RGS5: variants seen among roughly 807,000 people sequenced by gnomAD.
RGS5 encodes the protein regulator of G protein signaling 5.
In RGS5, 20 loss-of-function variants were observed where a neutral mutation model predicts 18.9. That is an observed-to-expected ratio of 1.06 (90% CI 0.74 to 1.54). The LOEUF (loss-of-function observed/expected upper bound fraction) is 1.54, where lower values mean the gene tolerates loss of function less well. Ranked by LOEUF, RGS5 falls within the 40% of genes most tolerant of loss-of-function variation. RGS5 has a pLI of 0.00. For synonymous variants in RGS5, 57 were observed against 76.2 expected (o/e 0.75, Z 1.31); for missense variants, 201 against 211.8 (o/e 0.95, Z 0.32).
At chr1:163,262,114 G>T (rs1388813664) in intron 2 of RGS5, among the ~76,000 whole-genome samples, 1 of 144,586 alleles carries the variant, frequency 6.9e-6, no homozygotes, top group East Asian at 2.1e-4. Context: ...GCCAGTCTAT[G>T]TTCTGGGAGA....
chr1:163,183,693 G>A (rs1317818769), intron 1 of RGS5, among the ~76,000 whole-genome samples: 2 of 152,166 alleles, frequency 1.3e-5, no homozygotes, highest in Non-Finnish European at 2.9e-5. Context: ...GAGGAAAATT[G>A]AGTAAAAGTG....
intron 3 of RGS5, among the ~76,000 whole-genome samples, chr1:163,161,489 A>G (rs1031694536): frequency 5.9e-5 from 9 of 152,186 alleles, no homozygotes; most frequent in African/African-American, 1.9e-4. Flanking sequence ...TGACAGTATA[A>G]TAGTTTGAAC....
chr1:163,264,155 A>G (rs1436078670), intron 2 of RGS5, among the ~76,000 whole-genome samples: 3 of 152,190 alleles, frequency 2.0e-5, no homozygotes, highest in South Asian at 2.1e-4. Context: ...GGTTTAAGGC[A>G]TTATATCTTT....
rs1198682154 is a variant in RGS5 at position 163,145,674 on chromosome 1, A to G, written c.*1668T>C. ...ACCCAGTTTCAGAATGTGAAATGGC[A>G]TGTATTCAGCAGGGCATATTATTCT... On this transcript the variant is annotated 3_prime_UTR_variant, in exon 5 of 5. Coordinates refer to ENST00000313961, the MANE Select transcript of RGS5 (RefSeq NM_003617.4). The G allele has an allele frequency of 6.6e-6, 1 of 152,184 alleles. No homozygotes were observed. The highest frequency in any genetic ancestry group is 1.9e-4 in the East Asian group (1 of 5,194). 9.4% of individuals were successfully genotyped at this position (152,184 alleles called of 1,614,324 possible). A position where few individuals can be genotyped will look rare whatever the true frequency, so the allele number is the denominator to read the frequency against.
intron 1 of RGS5, among the ~76,000 whole-genome samples, chr1:163,196,162 C>CA (rs140636192): frequency 0.018 from 2,730 of 152,222 alleles, 75 homozygotes; most frequent in African/African-American, 0.061. Context: ...ACTCAGCCTT[C>CA]AAAGTAGTGC....
At chr1:163,251,155 C>A (rs114117501) in intron 2 of RGS5, among the ~76,000 whole-genome samples, 3 of 152,164 alleles carry the variant, frequency 2.0e-5, no homozygotes, top group South Asian at 2.1e-4. Context: ...CAAACCTATA[C>A]GAGATGAACT....
intron 1 of RGS5, among the ~76,000 whole-genome samples, chr1:163,195,529 C>G (rs1410483340): frequency 6.6e-6 from 1 of 151,888 alleles, no homozygotes; most frequent in Admixed American, 6.6e-5. Flanking sequence ...CACTAAAGAA[C>G]TTATTCATGT....
chr1:163,290,100 G>A (rs113556649), intron 2 of RGS5, among the ~76,000 whole-genome samples: 2,707 of 152,180 alleles, frequency 0.018, 79 homozygotes, highest in African/African-American at 0.06. Context: ...TTCTTTGTAC[G>A]CTATGCAAAC....
At chr1:163,305,874 G>T (rs1474173632) in intron 2 of RGS5, among the ~76,000 whole-genome samples, 1 of 152,184 alleles carries the variant, frequency 6.6e-6, no homozygotes, top group Non-Finnish European at 1.5e-5. Context: ...TCAGCTTGGA[G>T]AACTGCTACA....
upstream of RGS5, among the ~76,000 whole-genome samples, chr1:163,203,324 G>A (rs1205639068): frequency 6.6e-6 from 1 of 152,154 alleles, no homozygotes; most frequent in Admixed American, 6.5e-5. Context: ...CACAGTGAAG[G>A]AAACTGAAAT....
intron 2 of RGS5, among the ~76,000 whole-genome samples, chr1:163,258,162 T>G (rs1648329178): frequency 6.6e-6 from 1 of 152,232 alleles, no homozygotes; most frequent in African/African-American, 2.4e-5. Context: ...TTTGAATCTG[T>G]TCATAGAAGA....
At chr1:163,191,422 A>G (rs1179384379) in intron 1 of RGS5, among the ~76,000 whole-genome samples, 1 of 152,196 alleles carries the variant, frequency 6.6e-6, no homozygotes, top group Non-Finnish European at 1.5e-5. Context: ...TATAGCCTGT[A>G]ATGTCCAACA....
In RGS5 at chr1:163,147,189, T is replaced by G; in HGVS notation, c.*153A>C. ...CAGTAGATAAGTATCCAAAGCAGTG[T>G]GGGCAAAAAGAGTAAGCAACATCCC... On this transcript the variant is annotated 3_prime_UTR_variant, in exon 5 of 5. Transcript: ENST00000313961. 2 of 675,412 alleles carry G rather than the reference T, an allele frequency of 3.0e-6. No individual in the cohort carries two copies. Among genetic ancestry groups the G allele is most frequent in the Non-Finnish European group, 4.6e-6 (2 of 439,334 alleles). 41.8% of individuals were successfully genotyped at this position (675,412 alleles called of 1,614,324 possible). A position where few individuals can be genotyped will look rare whatever the true frequency, so the allele number is the denominator to read the frequency against.
chr1:163,188,586 A>AG (rs888277214), intron 1 of RGS5, among the ~76,000 whole-genome samples: 1 of 152,178 alleles, frequency 6.6e-6, no homozygotes, highest in African/African-American at 2.4e-5. Context: ...GCTCAAAATG[A>AG]GATAATCACA....
chr1:163,170,756 A>G (rs569443397), intron 1 of RGS5, among the ~76,000 whole-genome samples: 6 of 152,162 alleles, frequency 3.9e-5, no homozygotes, highest in Non-Finnish European at 8.8e-5. Flanking sequence ...CCTCTCATTG[A>G]CTAAAGCCAA....
chr1:163,162,528 A>G (rs1406187899), intron 2 of RGS5, among the ~76,000 whole-genome samples: 5 of 143,478 alleles, frequency 3.5e-5, no homozygotes, highest in Non-Finnish European at 5.9e-5. Context: ...CATGTTAAAA[A>G]CGTAGGCGCA....
intron 2 of RGS5, among the ~76,000 whole-genome samples, chr1:163,263,942 C>A (rs1648514844): frequency 6.6e-6 from 1 of 151,410 alleles, no homozygotes; most frequent in Admixed American, 6.6e-5. Flanking sequence ...TATTAAGAAG[C>A]ACCTATGGTG....
At chr1:163,172,468 T>G in intron 1 of RGS5, 1 of 1,427,376 alleles carries the variant, frequency 7.0e-7, no homozygotes, top group Middle Eastern at 1.8e-4. Context: ...TTAAATAGAG[T>G]TTTTTGTGGA....
chr1:163,268,511 A>G (rs1028169277), intron 2 of RGS5, among the ~76,000 whole-genome samples: 13 of 152,100 alleles, frequency 8.5e-5, no homozygotes, highest in Admixed American at 1.3e-4. Flanking sequence ...TCCTAGAGAA[A>G]GCAAACTCCC....
Sources: gnomAD v4.1 joint callset for allele counts (sites outside exome capture counted in the v4.1 genomes callset) on GRCh38, gnomAD v4.1.1 for gene constraint, MANE v1.5 for transcripts, NCBI Gene and HGNC (gene_info 2026-07-23, HGNC 2026-07-21) for gene names.